FBXO22: variants seen among roughly 807,000 people sequenced by gnomAD.
The protein encoded by FBXO22 is F-box protein 22, also known as F-box only protein 22.
FBXO22 carries 13 observed loss-of-function variants against 37.2 expected under a neutral mutation model. The observed-to-expected ratio is 0.35, with a 90% CI of 0.23 to 0.56. The LOEUF (loss-of-function observed/expected upper bound fraction) is 0.56, where lower values mean the gene tolerates loss of function less well. FBXO22 is among the 20% of genes least tolerant of loss of function. The probability of loss-of-function intolerance (pLI) is 0.87; values close to 1 mark genes in which losing one functional copy is unlikely to be tolerated. For missense variants in FBXO22, 446 were observed against 509.9 expected (o/e 0.87, Z 1.21); for synonymous variants, 189 against 189.1 (o/e 1.00, Z 0.00).
intron 2 of FBXO22, among the ~76,000 whole-genome samples, chr15:75,908,203 G>T (rs532363417): frequency 6.6e-6 from 1 of 152,056 alleles, no homozygotes; most frequent in African/African-American, 2.4e-5. Context: ...AGGCCTAAAA[G>T]CTTGCTGAGG....
intron 4 of FBXO22, among the ~76,000 whole-genome samples, chr15:75,915,948 G>A (rs2141711240): frequency 6.8e-6 from 1 of 147,788 alleles, no homozygotes; most frequent in East Asian, 2.0e-4. Context: ...GCTCATGCCT[G>A]TAATTCCAGC....
rs142812746 is a variant in FBXO22 at position 75,941,960 on chromosome 15, A to AAAAAAAAC, written c.*8859_*8860insAAAAAACA. On this transcript the variant is annotated 3_prime_UTR_variant, in exon 7 of 7. Transcript: ENST00000308275. Reference sequence around the variant, plus strand: ...ACCACCAAAAAAAAAAAAAAAAAAAAATATGGCCTAGCTTTTTTTTTTTTT... The same window carrying AAAAAAAAC: ...ACCACCAAAAAAAAAAAAAAAAAAAAAAAAAAACATATGGCCTAGCTTTTTTTTTTTTT... 94 of 93,694 alleles carry AAAAAAAAC rather than the reference A, an allele frequency of 1.0e-3. 1 individual carries two copies. The highest frequency in any genetic ancestry group is 1.5e-3 in the Admixed American group (9 of 5,876). 5.8% of individuals were successfully genotyped at this position (93,694 alleles called of 1,614,324 possible). A position where few individuals can be genotyped will look rare whatever the true frequency, so the allele number is the denominator to read the frequency against.
intron 5 of FBXO22, among the ~76,000 whole-genome samples, chr15:75,918,748 A>G (rs775706307): frequency 5.3e-5 from 8 of 152,222 alleles, no homozygotes; most frequent in Non-Finnish European, 8.8e-5. Context: ...AGGCCCAGAA[A>G]GACAAATAGT....
chr15:75,911,075 G>C (rs1900041684), intron 2 of FBXO22, among the ~76,000 whole-genome samples: 1 of 152,216 alleles, frequency 6.6e-6, no homozygotes, highest in Non-Finnish European at 1.5e-5. Context: ...GATCGTTGTA[G>C]ATGTGTGGTG....
intron 5 of FBXO22, among the ~76,000 whole-genome samples, chr15:75,920,157 A>ATG (rs1310980185): frequency 6.6e-6 from 1 of 152,238 alleles, no homozygotes; most frequent in Non-Finnish European, 1.5e-5. Flanking sequence ...TGCTGAGCTT[A>ATG]TGTGATTTTG....
intron 5 of FBXO22, among the ~76,000 whole-genome samples, chr15:75,919,338 A>C (rs1315161642): frequency 2.0e-5 from 3 of 152,180 alleles, no homozygotes; most frequent in African/African-American, 7.2e-5. Flanking sequence ...AAAAATGGTA[A>C]CTGTGAGATA....
rs335723 is a variant in FBXO22, at chr15:75,939,200, G to C, written c.*6098G>C. ...GACCATAAAGTTGGAAAGCCTATGC[G>C]TAGATAGACTAAGAAAAAAAGGAAG... On this transcript the variant is annotated 3_prime_UTR_variant, in exon 7 of 7. Transcript: ENST00000308275. 150,641 of 152,142 alleles carry C rather than the reference G, an allele frequency of 0.99. 74,597 individuals carry two copies. The highest frequency in any genetic ancestry group is 1 in the East Asian group (5,174 of 5,174). The allele number at this position is 152,142 out of a possible 1,614,324, so 9.4% of individuals were successfully genotyped here.
rs922717693 is a variant in FBXO22 at position 75,914,262 on chromosome 15, G to A, written c.463+57G>A. 4.1e-6 allele frequency: 5 copies of A among 1,205,152 alleles called. No individual in the cohort carries two copies. The African/African-American group carries it at 6.0e-5, about 15-fold the overall frequency. 74.7% of individuals were successfully genotyped at this position (1,205,152 alleles called of 1,614,324 possible). A position where few individuals can be genotyped will look rare whatever the true frequency, so the allele number is the denominator to read the frequency against. ...CCTTGCATTAATGTGGGGTCCTTTG[G>A]ATTGGTGAGTTATTTTTAGCTTAGA... On this transcript the variant is annotated intron_variant, in intron 4 of 6. Coordinates refer to ENST00000308275, the MANE Select transcript of FBXO22 (RefSeq NM_147188.3).
In FBXO22 at chr15:75,914,177, C is replaced by G; in HGVS notation, c.435C>G (p.Val145=). ...LEKLFPKQCQ[V]LGIVTPGIVV... Reference sequence around the variant, plus strand: ...AGCTATTCCCCAAACAATGCCAAGTCCTTGGGATTGTGACCCCAGGAATTG... The same window carrying G: ...AGCTATTCCCCAAACAATGCCAAGTGCTTGGGATTGTGACCCCAGGAATTG... The change falls in exon 4 of 7, where the codon GTC becomes GTG. Residue 145 remains valine, a synonymous_variant. Coordinates refer to ENST00000308275, the MANE Select transcript of FBXO22 (RefSeq NM_147188.3). The G allele has an allele frequency of 6.2e-7, 1 of 1,613,300 alleles. No homozygotes were observed. The highest frequency in any genetic ancestry group is 8.5e-7 in the Non-Finnish European group (1 of 1,179,470).
rs781120566 is a variant in FBXO22, at chr15:75,914,093, C to T, written c.368-17C>T. ...TAAATGGATGATATTTATCATTTTG[C>T]TACTGTATTTTTACAGCAAGGAAAA... On this transcript the variant is annotated splice_polypyrimidine_tract_variant and intron_variant, in intron 3 of 6. Transcript: ENST00000308275. 2 of 1,559,952 alleles carry T rather than the reference C, an allele frequency of 1.3e-6. No homozygotes were observed. Among genetic ancestry groups the T allele is most frequent in the South Asian group, 1.2e-5 (1 of 86,302 alleles).
rs996303699 is a variant in FBXO22 at position 75,940,417 on chromosome 15, G to C, written c.*7315G>C. The C allele has an allele frequency of 8.0e-5, 12 of 150,610 alleles. No individual in the cohort carries two copies. Among genetic ancestry groups the C allele is most frequent in the Non-Finnish European group, 1.8e-4 (12 of 67,794 alleles). 9.3% of individuals were successfully genotyped at this position (150,610 alleles called of 1,614,324 possible). On this transcript the variant is annotated 3_prime_UTR_variant, in exon 7 of 7. Transcript: ENST00000308275. ...ATATGTCAGTACTACTCAAAGTGATGTGCAGATTCACTACAGTCTCTATCA... is the reference window on the plus strand; with the variant it reads ...ATATGTCAGTACTACTCAAAGTGATCTGCAGATTCACTACAGTCTCTATCA...
intron 2 of FBXO22, among the ~76,000 whole-genome samples, chr15:75,907,739 AATATAAAT>A (rs1483860945): frequency 6.6e-6 from 1 of 151,718 alleles, no homozygotes; most frequent in Admixed American, 6.5e-5. Flanking sequence ...CCACTAAAAA[AATATAAAT>A]ATTTAAAAAT....
chr15:75,917,107 C>G (rs1436911221), intron 4 of FBXO22, 123 bp from the exon 5 acceptor site: 20 of 707,926 alleles, frequency 2.8e-5, no homozygotes, highest in Non-Finnish European at 4.3e-5. Context: ...CTAAAACTGT[C>G]AAAGCTGAAA....
In FBXO22 at chr15:75,939,330, A is replaced by G. The variant is rs2030699411; in HGVS notation, c.*6228A>G. 6.6e-6 allele frequency: 1 copy of G among 152,190 alleles called. No individual in the cohort carries two copies. The allele number at this position is 152,190 out of a possible 1,614,324, so 9.4% of individuals were successfully genotyped here. A position where few individuals can be genotyped will look rare whatever the true frequency, so the allele number is the denominator to read the frequency against. On this transcript the variant is annotated 3_prime_UTR_variant, in exon 7 of 7. Coordinates refer to ENST00000308275, the MANE Select transcript of FBXO22 (RefSeq NM_147188.3). Reference sequence around the variant, plus strand: ...TCGACAATCTAGATGAAATGCTCAAAGTCCTAGAAATGCAAAACGTACTAC... The same window carrying G: ...TCGACAATCTAGATGAAATGCTCAAGGTCCTAGAAATGCAAAACGTACTAC...
At position 75,917,327 on chromosome 15, in the gene FBXO22, A is replaced by C. The variant is rs756039781; in HGVS notation, c.561A>C (p.Ile187=). 5 of 1,607,542 alleles carry C rather than the reference A, an allele frequency of 3.1e-6. No individual in the cohort carries two copies. In the South Asian group the frequency reaches 5.5e-5, roughly 18 times the overall value. ...LLFPQIEGIK[I]QPFHFIKDPK... ...TCCCTCAAATTGAAGGAATAAAAAT[A>C]CAACCCTTTCATTTTATTAAGGATC... The change falls in exon 5 of 7, where the codon ATA becomes ATC. Residue 187 remains isoleucine (I), a synonymous_variant. Transcript: ENST00000308275.
intron 3 of FBXO22, among the ~76,000 whole-genome samples, chr15:75,913,591 C>G (rs903090835): frequency 6.6e-6 from 1 of 152,124 alleles, no homozygotes; most frequent in African/African-American, 2.4e-5. Flanking sequence ...CTTGGCTATT[C>G]AGGCCTTTTA....
chr15:75,929,773 TA>T, intron 5 of FBXO22, 110 bp from the exon 6 acceptor site: 1 of 1,257,268 alleles, frequency 8.0e-7, no homozygotes, highest in Non-Finnish European at 1.1e-6. Flanking sequence ...CTTAAGCCAC[TA>T]AATTGCCCTT....
In FBXO22 at chr15:75,904,173, G is replaced by T. The variant is rs1235758172; in HGVS notation, c.140+70G>T. On this transcript the variant is annotated intron_variant, in intron 1 of 6. Coordinates refer to ENST00000308275, the MANE Select transcript of FBXO22 (RefSeq NM_147188.3). ...CGTGGGCATGTCCCAGGCTGGCGGG[G>T]TGGGGGGAGAGACCCTTGGGACCCA... is the stretch of plus-strand genomic sequence containing the variant. 5 of 1,470,320 alleles carry T rather than the reference G, an allele frequency of 3.4e-6. No homozygotes were observed. The African/African-American group carries it at 4.2e-5, about 12-fold the overall frequency. 91.1% of individuals were successfully genotyped at this position (1,470,320 alleles called of 1,614,324 possible).
At chr15:75,931,903 TCTA>T (rs1223823239) in intron 6 of FBXO22, among the ~76,000 whole-genome samples, 10 of 152,290 alleles carry the variant, frequency 6.6e-5, no homozygotes, top group African/African-American at 2.4e-4. Flanking sequence ...AGCTAAAACT[TCTA>T]GAGTTAATAG....
Sources: gnomAD v4.1 joint callset for allele counts (sites outside exome capture counted in the v4.1 genomes callset) on GRCh38, gnomAD v4.1.1 for gene constraint, MANE v1.5 for transcripts, NCBI Gene and HGNC (gene_info 2026-07-23, HGNC 2026-07-21) for gene names.